The following SIDT1 variants were observed in gnomAD, a reference collection of about 807,000 sequenced individuals.
The protein encoded by SIDT1 is SID1 transmembrane family member 1, also known as SID1 transmembrane family, member 1.
A neutral mutation model predicts 107.5 loss-of-function variants in SIDT1; 101 were observed. The observed-to-expected ratio is 0.94, with a 90% CI of 0.80 to 1.11. The LOEUF is 1.11. Ranked by LOEUF, SIDT1 falls within the 50% of genes least tolerant of loss-of-function variation. The pLI, the probability that SIDT1 is intolerant of heterozygous loss-of-function variation, is 0.00. For missense variants in SIDT1, 1,076 were observed against 1,058.2 expected (o/e 1.02, Z -0.23); for synonymous variants, 395 against 398.2 (o/e 0.99, Z 0.10).
chr3:113,543,635 G>A (rs1328630946), intron 1 of SIDT1, among the ~76,000 whole-genome samples: 2 of 151,160 alleles, frequency 1.3e-5, no homozygotes, highest in African/African-American at 4.8e-5. Context: ...TTTCACAGGG[G>A]ATATTCAGAA....
Position 113,533,141 on chromosome 3 carries a change from C to A in SIDT1, c.120C>A (p.Phe40Leu), listed in dbSNP as rs757374837. The change falls in exon 1 of 25, where the codon TTC becomes TTA. Residue 40 changes from phenylalanine (F) to leucine (L), a missense_variant. By Grantham distance (22) the Phe-to-Leu change is conservative (BLOSUM62 0). Coordinates refer to ENST00000264852, the MANE Select transcript of SIDT1 (RefSeq NM_017699.3). Reference protein sequence around the residue: ...RQPPAPRRDPFDAARGADFDH... With the variant: ...RQPPAPRRDPLDAARGADFDH... ...CCCCGGCACCGCGCCGCGACCCCTT[C>A]GACGCTGCCAGGGGCGCCGATTTCG... 2 of 1,575,212 alleles carry A rather than the reference C, an allele frequency of 1.3e-6. No homozygotes were observed. Among genetic ancestry groups the A allele is most frequent in the Non-Finnish European group, 1.7e-6 (2 of 1,162,646 alleles).
At chr3:113,577,484 GAA>G (rs1942995608) in intron 4 of SIDT1, among the ~76,000 whole-genome samples, 1 of 151,000 alleles carries the variant, frequency 6.6e-6, no homozygotes, top group Admixed American at 6.6e-5. Flanking sequence ...CTCTCATAAA[GAA>G]AGAGCCAGAA....
chr3:113,607,242 C>A (rs755618206), intron 15 of SIDT1, 128 bp downstream of exon 15: 36 of 611,722 alleles, frequency 5.9e-5, no homozygotes, highest in Non-Finnish European at 1.1e-4. Context: ...TAAAAAGGAA[C>A]TAAACCAAGA....
At position 113,580,587 on chromosome 3, in the gene SIDT1, C is replaced by A. The variant is rs373919634; in HGVS notation, c.562-21C>A. The A allele has an allele frequency of 7.7e-6, 11 of 1,429,366 alleles. No individual in the cohort carries two copies. The African/African-American group carries it at 1.4e-4, about 18-fold the overall frequency. The allele number at this position is 1,429,366 out of a possible 1,614,324, so 88.5% of individuals were successfully genotyped here. On this transcript the variant is annotated intron_variant, in intron 4 of 24. Transcript: ENST00000264852. Reference sequence around the variant, plus strand: ...CCATTCATGTAAATATAAATCATGTCTTTCTTTTTCTTATTCTCAGTATTT... The same window carrying A: ...CCATTCATGTAAATATAAATCATGTATTTCTTTTTCTTATTCTCAGTATTT...
In SIDT1 at chr3:113,539,320, T is replaced by C. The variant is rs373538566; in HGVS notation, c.222+6077T>C. ...TTGGCCAGTGAAAGGCAATTCAAGT[T>C]GGCTCCTGAATTCTTCTGGTAAAAC... On this transcript the variant is annotated intron_variant, in intron 1 of 24. Coordinates refer to ENST00000264852, the MANE Select transcript of SIDT1 (RefSeq NM_017699.3). 2.0e-5 allele frequency among the ~76,000 whole-genome samples: 3 copies of C among 152,216 alleles called. No homozygotes were observed. In the East Asian group the frequency reaches 5.8e-4, roughly 29 times the overall value.
At chr3:113,630,816 C>T (rs1947087139), downstream of SIDT1, among the ~76,000 whole-genome samples, 1 of 152,178 alleles carries the variant, frequency 6.6e-6, no homozygotes, top group Non-Finnish European at 1.5e-5. Flanking sequence ...ACAGGATCCT[C>T]AGCTCACCCT....
At chr3:113,585,800 G>C (rs958502391) in intron 9 of SIDT1, among the ~76,000 whole-genome samples, 10 of 152,196 alleles carry the variant, frequency 6.6e-5, no homozygotes, top group Admixed American at 1.3e-4. Flanking sequence ...TCCCTTGGAG[G>C]GGGAAAGGAG....
chr3:113,618,632 T>G (rs544551925), intron 20 of SIDT1, among the ~76,000 whole-genome samples: 1 of 152,354 alleles, frequency 6.6e-6, no homozygotes, highest in Admixed American at 6.5e-5. Context: ...TGAATTAATT[T>G]TTTTAATGAA....
chr3:113,603,587 T>C (rs1945116241), intron 12 of SIDT1, among the ~76,000 whole-genome samples: 1 of 152,166 alleles, frequency 6.6e-6, no homozygotes, highest in African/African-American at 2.4e-5. Context: ...AAACGTACAG[T>C]TTCAGCCCTA....
rs1167514581 is a variant in SIDT1, at chr3:113,626,301, T to TA, written c.2421+87dup. 5 of 837,738 alleles carry TA rather than the reference T, an allele frequency of 6.0e-6. No homozygotes were observed. The African/African-American group carries it at 6.9e-5, about 11-fold the overall frequency. 51.9% of individuals were successfully genotyped at this position (837,738 alleles called of 1,614,324 possible). On this transcript the variant is annotated intron_variant, in intron 24 of 24. Transcript: ENST00000264852. Reference sequence around the variant, plus strand: ...TCTTCTGCTCTTCCTTACTTTTTTTTATATTCCTCTCTAATTTTACTTTCC... The same window carrying TA: ...TCTTCTGCTCTTCCTTACTTTTTTTTAATATTCCTCTCTAATTTTACTTTCC...
intron 1 of SIDT1, among the ~76,000 whole-genome samples, chr3:113,548,043 G>A (rs1313973492): frequency 1.3e-5 from 2 of 152,016 alleles, no homozygotes; most frequent in Non-Finnish European, 2.9e-5. Flanking sequence ...ACTTAGAGTT[G>A]ATACCTTGGA....
At chr3:113,607,395 A>G (rs878941524) in intron 15 of SIDT1, among the ~76,000 whole-genome samples, 1 of 152,228 alleles carries the variant, frequency 6.6e-6, no homozygotes, top group Admixed American at 6.5e-5. Context: ...CACAGGCATG[A>G]GCTGGCAACC....
intron 10 of SIDT1, among the ~76,000 whole-genome samples, chr3:113,596,625 T>C (rs1944571054): frequency 6.6e-6 from 1 of 152,168 alleles, no homozygotes; most frequent in African/African-American, 2.4e-5. Flanking sequence ...TGTGAGAATC[T>C]GAGAGGTACT....
chr3:113,534,915 T>C (rs145325732), intron 1 of SIDT1, among the ~76,000 whole-genome samples: 203 of 152,314 alleles, frequency 1.3e-3, no homozygotes, highest in African/African-American at 4.5e-3. Context: ...CTTGAGATAT[T>C]GAGGGCAGGG....
At chr3:113,545,645 T>C (rs1323096988) in intron 1 of SIDT1, among the ~76,000 whole-genome samples, 1 of 152,204 alleles carries the variant, frequency 6.6e-6, no homozygotes, top group Non-Finnish European at 1.5e-5. Context: ...ATCATCCAGA[T>C]TATCTGTTGG....
chr3:113,629,582 C>T (rs998488091), downstream of SIDT1: 3 of 152,162 alleles, frequency 2.0e-5, no homozygotes, highest in Non-Finnish European at 2.9e-5. Flanking sequence ...TTCACTATGG[C>T]TAGTTTGACC....
intron 17 of SIDT1, 126 bp from the exon 18 acceptor site, chr3:113,610,882 T>G: frequency 8.5e-7 from 1 of 1,177,864 alleles, no homozygotes; most frequent in South Asian, 1.5e-5. Context: ...CCACACAGCC[T>G]GCGGGTAGAA....
chr3:113,616,237 A>G, intron 20 of SIDT1, 61 bp downstream of exon 20: 2 of 1,347,158 alleles, frequency 1.5e-6, no homozygotes, highest in East Asian at 4.6e-5. Flanking sequence ...TAGTAGGAGG[A>G]ACAGGCTTGG....
In SIDT1 at chr3:113,541,089, A is replaced by T. The variant is rs549252884; in HGVS notation, c.222+7846A>T. Among the ~76,000 whole-genome samples, 4 of 150,664 alleles carry T rather than the reference A, an allele frequency of 2.7e-5. No homozygotes were observed. In the East Asian group the frequency reaches 7.8e-4, roughly 29 times the overall value. The stretch of plus-strand genomic sequence containing the variant: ...TACGAGCTATATTGTCTTCCTTCTA[A>T]CCAACTGTCAGTCTTAGTTCTAATA... On this transcript the variant is annotated intron_variant, in intron 1 of 24. Coordinates refer to ENST00000264852, the MANE Select transcript of SIDT1 (RefSeq NM_017699.3).
Sources: allele counts gnomAD v4.1 joint callset (sites outside exome capture counted in the v4.1 genomes callset), GRCh38; gene constraint gnomAD v4.1.1; transcripts MANE v1.5; gene names NCBI Gene and HGNC (gene_info 2026-07-23, HGNC 2026-07-21).